Variants in MSN observed in about 807,000 individuals in gnomAD.
The protein encoded by MSN is moesin.
Under a neutral mutation model 48.0 loss-of-function variants are expected in MSN, and 2 were observed. The observed-to-expected ratio is 0.04, with a 90% CI of 0.02 to 0.13. MSN has a LOEUF of 0.13. Among genes scored for constraint, MSN ranks in the 10% least tolerant of loss-of-function variants. MSN has a pLI of 1.00. For synonymous variants in MSN, 146 were observed against 166.9 expected (o/e 0.87, Z 0.97); for missense variants, 267 against 470.1 (o/e 0.57, Z 3.99).
rs140725106 is a variant in MSN at position 65,638,256 on chromosome X, C to T, written c.-22+49644C>T. ...GCTTCTGTACATGCTGGTCCCTCTG[C>T]CTAGAATGAATTCCTCTCACTGTGA... On this transcript the variant is annotated intron_variant, in intron 1 of 3. Transcript: ENST00000609672. 2.3e-3 allele frequency among the ~76,000 whole-genome samples: 257 copies of T among 112,338 alleles called. 1 individual carries two copies. The highest frequency in any genetic ancestry group is 8.0e-3 in the African/African-American group (247 of 30,972).
intron 1 of MSN, among the ~76,000 whole-genome samples, chrX:65,644,068 C>T (rs1439359115): frequency 8.9e-6 from 1 of 111,993 alleles, no homozygotes; most frequent in East Asian, 2.8e-4. Flanking sequence ...AATCCTTGTT[C>T]TGCCTCTCTC....
chrX:65,681,651 C>G (rs1197163075), intron 1 of MSN, among the ~76,000 whole-genome samples: 2 of 112,164 alleles, frequency 1.8e-5, no homozygotes, highest in Admixed American at 1.9e-4. Context: ...GATTTTAGTT[C>G]CCCATCTGTG....
At position 65,699,350 on chromosome X, in the gene MSN, G is replaced by A. The variant is rs748125817; in HGVS notation, c.13-17468G>A. Among the ~76,000 whole-genome samples the A allele has an allele frequency of 1.3e-4, 14 of 111,765 alleles. No homozygotes were observed. In the East Asian group the frequency reaches 3.6e-3, roughly 29 times the overall value. ...TGTGGCTCCTTCTACCACAAGGGCT[G>A]TTCCCACCCTGTGTTACCAATGCTA... On this transcript the variant is annotated intron_variant, in intron 1 of 12. Coordinates refer to ENST00000360270, the MANE Select transcript of MSN (RefSeq NM_002444.3).
chrX:65,681,682 A>T (rs1405820242), intron 1 of MSN, among the ~76,000 whole-genome samples: 1 of 112,057 alleles, frequency 8.9e-6, no homozygotes, highest in Non-Finnish European at 1.9e-5. Flanking sequence ...AGTAATAGCA[A>T]CCTACTTTTT....
intron 1 of MSN, among the ~76,000 whole-genome samples, chrX:65,660,836 A>T (rs950327722): frequency 9.0e-6 from 1 of 111,390 alleles, no homozygotes; most frequent in Admixed American, 9.5e-5. Context: ...AAGTGCTGGG[A>T]TTGTAGGCGT....
intron 1 of MSN, among the ~76,000 whole-genome samples, chrX:65,627,826 C>T (rs2070520407): frequency 8.9e-6 from 1 of 112,057 alleles, no homozygotes; most frequent in Non-Finnish European, 1.9e-5. Context: ...CAAAGGCAAG[C>T]TAGTTACTTC....
At chrX:65,692,561 T>C (rs1351354321) in intron 1 of MSN, among the ~76,000 whole-genome samples, 1 of 112,799 alleles carries the variant, frequency 8.9e-6, no homozygotes, top group Non-Finnish European at 1.9e-5. Context: ...AGTGGAGTTA[T>C]CAGTATTTGG....
chrX:65,729,987 T>C (rs1314630098), intron 4 of MSN, among the ~76,000 whole-genome samples: 2 of 112,334 alleles, frequency 1.8e-5, no homozygotes, highest in African/African-American at 6.5e-5. Context: ...GAACCAGAGA[T>C]TGAGTAATTT....
At chrX:65,609,017 A>G (rs1423054469) in intron 1 of MSN, among the ~76,000 whole-genome samples, 2 of 110,012 alleles carry the variant, frequency 1.8e-5, no homozygotes, top group Non-Finnish European at 3.8e-5. Context: ...CAAAAAGCCA[A>G]TTGGTAACTT....
intron 1 of MSN, among the ~76,000 whole-genome samples, chrX:65,614,134 TC>T (rs2070345425): frequency 8.9e-6 from 1 of 112,013 alleles, no homozygotes; most frequent in Non-Finnish European, 1.9e-5. Context: ...GGGAATCCTT[TC>T]CCCATTGCTT....
intron 7 of MSN, among the ~76,000 whole-genome samples, chrX:65,734,244 G>T (rs1381902213): frequency 9.0e-6 from 1 of 111,410 alleles, no homozygotes; most frequent in Non-Finnish European, 1.9e-5. Flanking sequence ...TGTCCAACAA[G>T]GCCCAGTGAC....
rs1195297007 is a variant in MSN at position 65,667,832 on chromosome X, T to A, written c.-10T>A. On this transcript the variant is annotated 5_prime_UTR_variant, in exon 1 of 13. Transcript: ENST00000360270. ...TAAACTTCGCCAACTCCGCTGCCTT[T>A]GCCGCCACCATGCCCAAAACGGTGA... is the stretch of plus-strand genomic sequence containing the variant. 8.3e-7 allele frequency: 1 copy of A among 1,210,656 alleles called. No individual in the cohort carries two copies. The highest frequency in any genetic ancestry group is 1.8e-5 in the South Asian group (1 of 56,845).
At chrX:65,660,110 C>T (rs757461958) in intron 1 of MSN, among the ~76,000 whole-genome samples, 2 of 111,623 alleles carry the variant, frequency 1.8e-5, no homozygotes, top group South Asian at 3.7e-4. Context: ...GAGACAGGGG[C>T]GTAACTGAGA....
intron 1 of MSN, among the ~76,000 whole-genome samples, chrX:65,693,466 T>G (rs1006503847): frequency 1.9e-4 from 21 of 111,933 alleles, no homozygotes; most frequent in Non-Finnish European, 1.7e-4. Context: ...AATTTCCCTT[T>G]AGGGACTAAA....
At chrX:65,694,332 A>ATT (rs1186909256) in intron 1 of MSN, among the ~76,000 whole-genome samples, 3 of 101,356 alleles carry the variant, frequency 3.0e-5, no homozygotes, top group Non-Finnish European at 4.0e-5. Context: ...TCTCTTTAAG[A>ATT]TTTTTTTTTT....
intron 1 of MSN, among the ~76,000 whole-genome samples, chrX:65,621,073 G>C (rs974442015): frequency 6.5e-4 from 71 of 109,503 alleles, no homozygotes; most frequent in African/African-American, 2.3e-3. Flanking sequence ...GTGCCACCAC[G>C]CCTGGCTAAT....
intron 1 of MSN, among the ~76,000 whole-genome samples, chrX:65,637,581 A>G (rs1375199437): frequency 9.0e-6 from 1 of 111,115 alleles, no homozygotes; most frequent in Non-Finnish European, 1.9e-5. Context: ...TGCTGTTCCT[A>G]GAACATATGA....
intron 1 of MSN, among the ~76,000 whole-genome samples, chrX:65,705,728 A>G (rs1403806285): frequency 8.9e-6 from 1 of 111,875 alleles, no homozygotes; most frequent in East Asian, 2.8e-4. Context: ...TTGGAGGAGT[A>G]ACTCTCAGTT....
intron 1 of MSN, among the ~76,000 whole-genome samples, chrX:65,704,140 C>T (rs1442140931): frequency 8.9e-6 from 1 of 111,754 alleles, no homozygotes. Context: ...TCTACAAATA[C>T]TTCCTGTAAA....
Sources: gnomAD v4.1 joint callset for allele counts (sites outside exome capture counted in the v4.1 genomes callset) on GRCh38, gnomAD v4.1.1 for gene constraint, MANE v1.5 for transcripts, NCBI Gene and HGNC (gene_info 2026-07-23, HGNC 2026-07-21) for gene names.